The following ZNF600 variants were observed in gnomAD, a reference collection of about 807,000 sequenced individuals.
The protein encoded by ZNF600 is zinc finger protein 600.
ZNF600 carries 4 observed loss-of-function variants against 7.3 expected under a neutral mutation model. The observed-to-expected ratio is 0.55, with a 90% confidence interval of 0.27 to 1.25. ZNF600 has a LOEUF of 1.25. Among genes scored for constraint, ZNF600 ranks in the 50% most tolerant of loss-of-function variants. The probability of loss-of-function intolerance (pLI) is 0.12; values close to 1 mark genes in which losing one functional copy is unlikely to be tolerated. For missense variants in ZNF600, 911 were observed against 922.1 expected (o/e 0.99, Z 0.16); for synonymous variants, 290 against 308.9 (o/e 0.94, Z 0.64).
upstream of ZNF600, chr19:52,786,891 G>C (rs1378760730): frequency 1.1e-5 from 2 of 185,390 alleles, no homozygotes; most frequent in Non-Finnish European, 1.2e-5. Context: ...GGAGGGCCCG[G>C]GGCGGGACCT....
upstream of ZNF600, among the ~76,000 whole-genome samples, chr19:52,787,632 G>A (rs2062776421): frequency 6.6e-6 from 1 of 151,322 alleles, no homozygotes; most frequent in Non-Finnish European, 1.5e-5. Flanking sequence ...GCTGAGGCGG[G>A]CAGATCATGA....
chr19:52,791,883 C>T, the ZNF600 span, among the ~76,000 whole-genome samples: 2 of 152,228 alleles, frequency 1.3e-5, no homozygotes, highest in African/African-American at 4.8e-5. Context: ...ATCCAGAGGA[C>T]AGCCCCTCAC....
At chr19:52,804,517 C>A in the ZNF600 span, among the ~76,000 whole-genome samples, 1 of 152,098 alleles carries the variant, frequency 6.6e-6, no homozygotes, top group Non-Finnish European at 1.5e-5. Flanking sequence ...ATTACAGGCG[C>A]ACGCCACCAT....
At chr19:52,807,973 A>C in the ZNF600 span, 20 of 1,611,786 alleles carry the variant, frequency 1.2e-5, no homozygotes, top group African/African-American at 2.7e-5. Context: ...ATACAAAGAT[A>C]CACAAGGGCA....
At chr19:52,766,366 G>A (rs142429914) in exon 4 of ZNF600, 94 of 1,614,046 alleles carry the variant, frequency 5.8e-5, no homozygotes, top group Non-Finnish European at 7.7e-5. Flanking sequence ...TCTCCGGTGT[G>A]AATTATCTTA....
At chr19:52,782,440 T>C (rs763019740) in intron 1 of ZNF600, among the ~76,000 whole-genome samples, 1 of 151,856 alleles carries the variant, frequency 6.6e-6, no homozygotes, top group Admixed American at 6.6e-5. Context: ...GGAGAATCAC[T>C]TGAACCCCAG....
the ZNF600 span, among the ~76,000 whole-genome samples, chr19:52,821,012 C>A: frequency 3.9e-5 from 6 of 152,110 alleles, no homozygotes; most frequent in Non-Finnish European, 7.3e-5. Flanking sequence ...GCTGGGCGGG[C>A]AAGAACACCC....
chr19:52,793,123 C>T, the ZNF600 span, among the ~76,000 whole-genome samples: 1 of 152,002 alleles, frequency 6.6e-6, no homozygotes, highest in Admixed American at 6.6e-5. Flanking sequence ...GCTGAGTTGA[C>T]TGTAATGTAC....
At chr19:52,818,890 A>G in the ZNF600 span, among the ~76,000 whole-genome samples, 7 of 31,252 alleles carry the variant, frequency 2.2e-4, no homozygotes, top group African/African-American at 4.7e-4. Flanking sequence ...TTTGGGAAAA[A>G]AAAAAAAAAA....
chr19:52,808,225 T>C, the ZNF600 span: 4 of 1,556,854 alleles, frequency 2.6e-6, no homozygotes, highest in Non-Finnish European at 2.6e-6. Flanking sequence ...TGGATTTAGT[T>C]GTAGTGAATG....
At position 52,778,695 on chromosome 19, in the gene ZNF600, G is replaced by C. The variant is rs573558103; in HGVS notation, c.63+131C>G. 1.8e-4 allele frequency: 225 copies of C among 1,259,380 alleles called. 3 individuals are homozygous for C. The African/African-American group carries it at 3.2e-3, about 18-fold the overall frequency. The allele number at this position is 1,259,380 out of a possible 1,614,324, so 78.0% of individuals were successfully genotyped here. A position where few individuals can be genotyped will look rare whatever the true frequency, so the allele number is the denominator to read the frequency against. ...CTCGGAGCAGCTGAGAGGAACTAAGGGCAGGCATGGCTGAGTGTGAGTGAA... is the reference window on the plus strand; with the variant it reads ...CTCGGAGCAGCTGAGAGGAACTAAGCGCAGGCATGGCTGAGTGTGAGTGAA... On this transcript the variant is annotated intron_variant, in intron 2 of 3. Coordinates refer to ENST00000648973, the Ensembl canonical transcript of ZNF600.
the ZNF600 span, among the ~76,000 whole-genome samples, chr19:52,816,834 AAATAAT>A: frequency 7.2e-3 from 998 of 138,418 alleles, 9 homozygotes; most frequent in South Asian, 0.023. Context: ...CCGTTTCAGA[AAATAAT>A]AATAATAATA....
chr19:52,783,629 G>A (rs564875357), intron 1 of ZNF600, among the ~76,000 whole-genome samples: 2 of 152,276 alleles, frequency 1.3e-5, no homozygotes, highest in East Asian at 3.9e-4. Context: ...CCAAAGTGCT[G>A]GGATTACAAG....
chr19:52,769,409 T>A (rs2062614907), intron 3 of ZNF600, among the ~76,000 whole-genome samples: 1 of 152,110 alleles, frequency 6.6e-6, no homozygotes, highest in Non-Finnish European at 1.5e-5. Context: ...GCAGAAATAA[T>A]GGCGCAAGCT....
chr19:52,816,536 T>C, the ZNF600 span, among the ~76,000 whole-genome samples: 4 of 144,674 alleles, frequency 2.8e-5, no homozygotes, highest in Non-Finnish European at 5.9e-5. Context: ...TGGTGGCGGG[T>C]GCCTGTAGTC....
exon 4 of ZNF600, chr19:52,766,466 T>A (rs2147481848): frequency 6.2e-7 from 1 of 1,614,106 alleles, no homozygotes; most frequent in East Asian, 2.2e-5. Flanking sequence ...ACTTATGAAT[T>A]AGAAGATCTG....
the ZNF600 span, chr19:52,814,179 G>T: frequency 1.4e-5 from 2 of 146,750 alleles, no homozygotes; most frequent in Admixed American, 6.9e-5. Flanking sequence ...GATGGAGGAC[G>T]TGACAGGGAA....
upstream of ZNF600, among the ~76,000 whole-genome samples, chr19:52,787,583 G>T: frequency 6.6e-6 from 1 of 150,828 alleles, no homozygotes; most frequent in Non-Finnish European, 1.5e-5. Flanking sequence ...ACAAGACCGG[G>T]CGCGCTGGCT....
At chr19:52,809,855 T>C in the ZNF600 span, 6 of 619,176 alleles carry the variant, frequency 9.7e-6, no homozygotes, top group Non-Finnish European at 1.4e-5. Flanking sequence ...GTGGTGGCAG[T>C]AGCACTGGGC....
Sources: gnomAD v4.1 joint callset for allele counts (sites outside exome capture counted in the v4.1 genomes callset) on GRCh38, gnomAD v4.1.1 for gene constraint, MANE v1.5 for transcripts, NCBI Gene and HGNC (gene_info 2026-07-23, HGNC 2026-07-21) for gene names.